Variants in HIVEP3 observed in about 807,000 individuals in gnomAD.
The protein encoded by HIVEP3 is HIVEP zinc finger 3, also known as transcription factor HIVEP3.
Under a neutral mutation model 152.8 loss-of-function variants are expected in HIVEP3, and 49 were observed. The ratio of observed to expected loss-of-function variants is 0.32; its 90% CI spans 0.26 to 0.41. The LOEUF is 0.41. Ranked by LOEUF, HIVEP3 falls within the 10% of genes least tolerant of loss-of-function variation. HIVEP3 has a pLI of 1.00. For missense variants in HIVEP3, 2,790 were observed against 3,103.3 expected (o/e 0.90, Z 2.40); for synonymous variants, 1,269 against 1,289.0 (o/e 0.98, Z 0.33).
At chr1:41,578,622 T>C (rs1276350693) in intron 4 of HIVEP3, among the ~76,000 whole-genome samples, 1 of 152,344 alleles carries the variant, frequency 6.6e-6, no homozygotes, top group East Asian at 1.9e-4. Context: ...GAAGACACAC[T>C]AATAAACATT....
intron 1 of HIVEP3, among the ~76,000 whole-genome samples, chr1:41,831,371 T>G (rs1043855669): frequency 1.3e-5 from 2 of 152,212 alleles, no homozygotes; most frequent in African/African-American, 2.4e-5. Context: ...TAGAATGTGA[T>G]GATCACTAGA....
Position 41,624,076 on chromosome 1 carries a change from C to T in HIVEP3, c.-522+4673G>A, listed in dbSNP as rs542679693. 2.3e-3 allele frequency among the ~76,000 whole-genome samples: 353 copies of T among 152,346 alleles called. 1 individual carries two copies. Among genetic ancestry groups the T allele is most frequent in the South Asian group, 5.0e-3 (24 of 4,830 alleles). On this transcript the variant is annotated intron_variant, in intron 3 of 8. Transcript: ENST00000372583. ...GACTTCCCAAGCCTCAGCAGAAGCT[C>T]ACATGGCCTCCCTGGGTTGCGAAGA...
chr1:41,650,031 C>T (rs538853952), intron 2 of HIVEP3, among the ~76,000 whole-genome samples: 22 of 152,070 alleles, frequency 1.4e-4, no homozygotes, highest in African/African-American at 3.6e-4. Context: ...AGAAACAAAC[C>T]GGCAAGCAGA....
intron 2 of HIVEP3, among the ~76,000 whole-genome samples, chr1:41,650,010 G>A (rs576381571): frequency 6.6e-5 from 10 of 152,128 alleles, no homozygotes; most frequent in Admixed American, 2.0e-4. Flanking sequence ...GGCCGGGAAC[G>A]GAAACGGAAA....
At chr1:41,984,097 T>C (rs1032598093) in intron 1 of HIVEP3, among the ~76,000 whole-genome samples, 3 of 152,196 alleles carry the variant, frequency 2.0e-5, no homozygotes, top group African/African-American at 7.2e-5. Context: ...CTCAGCCTCC[T>C]GAGTAACTGG....
At chr1:42,024,008 C>T (rs918125636) in intron 1 of HIVEP3, among the ~76,000 whole-genome samples, 7 of 152,170 alleles carry the variant, frequency 4.6e-5, no homozygotes, top group African/African-American at 9.7e-5. Context: ...CTTTCTACTT[C>T]GTTCTGTTGG....
intron 1 of HIVEP3, among the ~76,000 whole-genome samples, chr1:41,880,510 C>T (rs1159037331): frequency 2.0e-5 from 3 of 152,228 alleles, no homozygotes; most frequent in African/African-American, 7.2e-5. Flanking sequence ...TCTAGATACA[C>T]CACGTTTGTA....
At chr1:41,865,697 G>C (rs1363251314) in intron 1 of HIVEP3, 1 of 152,148 alleles carries the variant, frequency 6.6e-6, no homozygotes, top group Non-Finnish European at 1.5e-5. Context: ...TGAATTCCTA[G>C]GTAGGTGTAG....
intron 1 of HIVEP3, among the ~76,000 whole-genome samples, chr1:41,970,403 T>C (rs549747805): frequency 1.3e-4 from 20 of 152,276 alleles, no homozygotes; most frequent in Admixed American, 1.1e-3. Context: ...TGGATGGAGC[T>C]GGAAGCCATT....
At chr1:42,008,076 T>C (rs184837256) in intron 1 of HIVEP3, among the ~76,000 whole-genome samples, 6 of 152,368 alleles carry the variant, frequency 3.9e-5, no homozygotes, top group African/African-American at 1.4e-4. Flanking sequence ...TCTGTTATTG[T>C]ATTTTCCATG....
rs61628738 is a variant in HIVEP3, at chr1:41,723,479, TAC to T, written c.-800-22486_-800-22485del. 3.6e-3 allele frequency among the ~76,000 whole-genome samples: 423 copies of T among 118,566 alleles called. 2 individuals are homozygous for T. The highest frequency in any genetic ancestry group is 1.9e-3 in the Non-Finnish European group (123 of 63,912). 77.8% of individuals were successfully genotyped at this position (118,566 alleles called of 152,430 possible). On this transcript the variant is annotated intron_variant, in intron 1 of 8. Transcript: ENST00000372583. ...AAAATGCACCCATACCATAAAATCATACACACACACACACACAGCCACCACAC... is the reference window on the plus strand; with the variant it reads ...AAAATGCACCCATACCATAAAATCATACACACACACACACAGCCACCACAC...
intron 1 of HIVEP3, among the ~76,000 whole-genome samples, chr1:41,995,695 G>A (rs1012350338): frequency 1.3e-5 from 2 of 152,222 alleles, no homozygotes; most frequent in Non-Finnish European, 2.9e-5. Flanking sequence ...ATGATCAGGA[G>A]GGAGGTAAGT....
chr1:41,678,401 T>C (rs1378890599), intron 2 of HIVEP3, among the ~76,000 whole-genome samples: 2 of 152,188 alleles, frequency 1.3e-5, no homozygotes, highest in East Asian at 3.9e-4. Flanking sequence ...GGTGCTCTTT[T>C]AGAAGTCCCA....
chr1:41,843,154 C>A (rs1182956006), intron 1 of HIVEP3, among the ~76,000 whole-genome samples: 1 of 152,166 alleles, frequency 6.6e-6, no homozygotes, highest in Admixed American at 6.5e-5. Flanking sequence ...CAGTACACAG[C>A]AAATCCCCAC....
chr1:41,746,929 C>A (rs1032253859), intron 1 of HIVEP3, among the ~76,000 whole-genome samples: 4 of 152,088 alleles, frequency 2.6e-5, no homozygotes, highest in Non-Finnish European at 1.5e-5. Context: ...AGAGAATGAG[C>A]AAGTCAGGAG....
chr1:41,602,892 A>G (rs1474885985), intron 3 of HIVEP3, among the ~76,000 whole-genome samples: 2 of 151,996 alleles, frequency 1.3e-5, no homozygotes, highest in South Asian at 2.1e-4. Flanking sequence ...GCTGAATCCT[A>G]TAAGTTTTGG....
rs760210733 is a variant in HIVEP3, at chr1:41,876,877, T to C, written c.-801+41536A>G. ...TTTGAGATGAGTATCATTACAGAAA[T>C]TATCTGCTGTGCAGCCTGGAAACAG... On this transcript the variant is annotated intron_variant, in intron 1 of 8. Transcript: ENST00000372583. Among the ~76,000 whole-genome samples, 8 of 152,290 alleles carry C rather than the reference T, an allele frequency of 5.3e-5. 1 individual carries two copies. The highest frequency in any genetic ancestry group is 1.0e-4 in the Non-Finnish European group (7 of 68,026).
intron 5 of HIVEP3, chr1:41,542,344 GA>G: frequency 6.4e-6 from 1 of 155,832 alleles, no homozygotes; most frequent in East Asian, 1.7e-4. Flanking sequence ...TGGGGATACA[GA>G]AGCCCTTGGA....
chr1:41,730,327 C>A (rs566395313), intron 1 of HIVEP3, among the ~76,000 whole-genome samples: 2 of 152,352 alleles, frequency 1.3e-5, no homozygotes, highest in South Asian at 4.1e-4. Context: ...TGGTGTCCTC[C>A]CCTGTAGAGC....
Sources: gnomAD v4.1 joint callset for allele counts (sites outside exome capture counted in the v4.1 genomes callset) on GRCh38, gnomAD v4.1.1 for gene constraint, MANE v1.5 for transcripts, NCBI Gene and HGNC (gene_info 2026-07-23, HGNC 2026-07-21) for gene names.